Variants in MGAT4C observed in about 807,000 individuals in gnomAD.
The protein encoded by MGAT4C is MGAT4 family member C.
Under a neutral mutation model 40.1 loss-of-function variants are expected in MGAT4C, and 19 were observed. The observed-to-expected ratio is 0.47, with a 90% CI of 0.33 to 0.70. The LOEUF (loss-of-function observed/expected upper bound fraction) is 0.70. Among genes scored for constraint, MGAT4C ranks in the 30% least tolerant of loss-of-function variants. MGAT4C has a pLI of 0.02. For missense variants in MGAT4C, 491 were observed against 563.2 expected, an observed-to-expected ratio of 0.87 and a Z score of 1.30; for synonymous variants, 181 against 187.1, an observed-to-expected ratio of 0.97 and a Z score of 0.27.
chr12:86,739,029 G>A lies in MGAT4C; in HGVS notation c.-261-11788C>T, dbSNP rs532480964. 4.2e-5 allele frequency among the ~76,000 whole-genome samples: 6 copies of A among 142,746 alleles called. No individual in the cohort carries two copies. The South Asian group carries it at 6.6e-4, about 16-fold the overall frequency. The allele number at this position is 142,746 out of a possible 152,430, so 93.6% of individuals were successfully genotyped here. A position where few individuals can be genotyped will look rare whatever the true frequency, so the allele number is the denominator to read the frequency against. ...GAATAAATGCCATTAAATGATTGTC[G>A]TTAGGGTATCCACTTTTATTTATTA... is the stretch of plus-strand genomic sequence containing the variant. On this transcript the variant is annotated intron_variant, in intron 1 of 7. Coordinates refer to the MGAT4C transcript ENST00000548651.
At chr12:86,661,753 A>G (rs1246406393) in intron 2 of MGAT4C, among the ~76,000 whole-genome samples, 1 of 152,062 alleles carries the variant, frequency 6.6e-6, no homozygotes, top group African/African-American at 2.4e-5. Context: ...AGACCAGCCA[A>G]CATAGTGAAA....
intron 2 of MGAT4C, among the ~76,000 whole-genome samples, chr12:86,502,828 C>T (rs1316947724): frequency 7.5e-4 from 19 of 25,318 alleles, no homozygotes; most frequent in Admixed American, 1.3e-3. Flanking sequence ...TATATGTATA[C>T]ACGAGTTCTG....
At chr12:86,620,194 A>G (rs1962592348) in intron 2 of MGAT4C, among the ~76,000 whole-genome samples, 1 of 152,154 alleles carries the variant, frequency 6.6e-6, no homozygotes, top group Non-Finnish European at 1.5e-5. Flanking sequence ...TCTGATCTGG[A>G]AATCCCACTG....
chr12:86,400,509 A>T lies in MGAT4C; in HGVS notation c.-120+34648T>A, dbSNP rs567114348. On this transcript the variant is annotated intron_variant, in intron 3 of 7. Transcript: ENST00000548651. ...GCTTATTGGTTGGAATGCAGATTAG[A>T]TGGTAAGCCATTTTAGACCAAGCAA... 1.6e-4 allele frequency among the ~76,000 whole-genome samples: 25 copies of T among 152,276 alleles called. 1 individual carries two copies. The South Asian group carries it at 5.2e-3, about 32-fold the overall frequency.
At chr12:86,767,118 C>T (rs923895744) in intron 1 of MGAT4C, among the ~76,000 whole-genome samples, 4 of 152,096 alleles carry the variant, frequency 2.6e-5, no homozygotes, top group African/African-American at 7.2e-5. Flanking sequence ...TGATGGACTG[C>T]TAGCAAGATT....
chr12:86,099,034 A>C (rs1874447601), intron 1 of MGAT4C, among the ~76,000 whole-genome samples: 1 of 151,526 alleles, frequency 6.6e-6, no homozygotes, highest in Non-Finnish European at 1.5e-5. Context: ...CCTTTTTAAA[A>C]TAAATTGTAT....
intron 2 of MGAT4C, among the ~76,000 whole-genome samples, chr12:86,025,983 C>A (rs1890206981): frequency 6.6e-6 from 1 of 151,602 alleles, no homozygotes; most frequent in Non-Finnish European, 1.5e-5. Flanking sequence ...AGTGAATGTA[C>A]AATGATACAT....
intron 3 of MGAT4C, among the ~76,000 whole-genome samples, chr12:86,393,771 G>A (rs909543499): frequency 7.0e-5 from 8 of 114,634 alleles, no homozygotes; most frequent in African/African-American, 2.3e-4. Context: ...TGTCTTTCAT[G>A]GTGATTAGCC....
chr12:86,493,868 G>A lies in MGAT4C; in HGVS notation c.-228-58603C>T, dbSNP rs112496293. Among the ~76,000 whole-genome samples the A allele has an allele frequency of 3.3e-3, 501 of 152,004 alleles. 2 individuals are homozygous for A. Among genetic ancestry groups the A allele is most frequent in the African/African-American group, 0.012 (481 of 41,500 alleles). ...GCAGCACCTGTGCTTATAGAAAACC[G>A]TATGTTTAGGGTACAGATGTTTGTG... is the stretch of plus-strand genomic sequence containing the variant. On this transcript the variant is annotated intron_variant, in intron 2 of 7. Coordinates refer to the MGAT4C transcript ENST00000548651.
intron 1 of MGAT4C, among the ~76,000 whole-genome samples, chr12:86,076,200 T>C (rs900916829): frequency 3.9e-5 from 6 of 152,116 alleles, no homozygotes; most frequent in African/African-American, 7.2e-5. Context: ...TGGGGCAAAA[T>C]GACACCAGTC....
intron 2 of MGAT4C, among the ~76,000 whole-genome samples, chr12:86,708,535 T>C (rs1298594425): frequency 6.6e-6 from 1 of 152,068 alleles, no homozygotes; most frequent in Non-Finnish European, 1.5e-5. Flanking sequence ...TCAGACCCCA[T>C]AATGGTAGAT....
At chr12:86,219,023 T>TA (rs1182499143) in intron 1 of MGAT4C, among the ~76,000 whole-genome samples, 5 of 151,540 alleles carry the variant, frequency 3.3e-5, no homozygotes, top group East Asian at 1.9e-4. Flanking sequence ...TACTAAAAAA[T>TA]AAAAAAATTA....
chr12:86,596,870 C>A (rs914248133), intron 2 of MGAT4C, among the ~76,000 whole-genome samples: 2 of 152,084 alleles, frequency 1.3e-5, no homozygotes, highest in Non-Finnish European at 2.9e-5. Context: ...TGAACAGATC[C>A]CCTTGTGGCT....
intron 4 of MGAT4C, among the ~76,000 whole-genome samples, chr12:86,315,628 C>T (rs1050173243): frequency 6.6e-6 from 1 of 152,246 alleles, no homozygotes; most frequent in African/African-American, 2.4e-5. Context: ...ATGGCATGAA[C>T]CCGGGAGGCG....
intron 2 of MGAT4C, among the ~76,000 whole-genome samples, chr12:86,627,902 G>T (rs1280412634): frequency 6.6e-6 from 1 of 152,132 alleles, no homozygotes; most frequent in East Asian, 1.9e-4. Flanking sequence ...ACTTTGAGGA[G>T]TTGACAGAAG....
intron 1 of MGAT4C, among the ~76,000 whole-genome samples, chr12:86,816,335 C>T (rs1054160258): frequency 2.6e-5 from 4 of 151,612 alleles, no homozygotes; most frequent in Non-Finnish European, 2.9e-5. Context: ...TTTAAAAATA[C>T]GTTACAAGTT....
At chr12:86,318,326 T>C (rs1341724487) in intron 4 of MGAT4C, among the ~76,000 whole-genome samples, 1 of 152,218 alleles carries the variant, frequency 6.6e-6, no homozygotes, top group Admixed American at 6.5e-5. Flanking sequence ...TATTGAAACA[T>C]TAATACTAAG....
In MGAT4C at chr12:86,291,778, T is replaced by A. The variant is rs532897916; in HGVS notation, c.-57+42287A>T. Among the ~76,000 whole-genome samples, 7 of 151,824 alleles carry A rather than the reference T, an allele frequency of 4.6e-5. No individual in the cohort carries two copies. In the South Asian group the frequency reaches 6.3e-4, roughly 14 times the overall value. ...AACCCCAATTACTTTTGCACCAACCTAATAACTGCAATTAGCCAAAGATTC... is the reference window on the plus strand; with the variant it reads ...AACCCCAATTACTTTTGCACCAACCAAATAACTGCAATTAGCCAAAGATTC... On this transcript the variant is annotated intron_variant, in intron 4 of 7. Transcript: ENST00000548651.
At chr12:86,490,236 C>T (rs953897359) in intron 2 of MGAT4C, among the ~76,000 whole-genome samples, 438 of 151,988 alleles carry the variant, frequency 2.9e-3, no homozygotes, top group African/African-American at 0.01. Flanking sequence ...CGGCAGAAAC[C>T]CTACAAGCCA....
Sources: allele counts gnomAD v4.1 joint callset (sites outside exome capture counted in the v4.1 genomes callset), GRCh38; gene constraint gnomAD v4.1.1; transcripts MANE v1.5; gene names NCBI Gene and HGNC (gene_info 2026-07-23, HGNC 2026-07-21).